SMIM14: variants seen among roughly 807,000 people sequenced by gnomAD.
SMIM14 encodes small integral membrane protein 14, also known as chromosome 4 open reading frame 34.
SMIM14 carries 5 observed loss-of-function variants against 12.6 expected under a neutral mutation model. That is an observed-to-expected ratio of 0.40 (90% confidence interval 0.21 to 0.83). The LOEUF is 0.83. Ranked by LOEUF, SMIM14 falls within the 40% of genes least tolerant of loss-of-function variation. The pLI, the probability that SMIM14 is intolerant of heterozygous loss-of-function variation, is 0.37. For missense variants in SMIM14, 86 were observed against 119.1 expected, an observed-to-expected ratio of 0.72 and a Z score of 1.29; for synonymous variants, 30 against 40.1, an observed-to-expected ratio of 0.75 and a Z score of 0.95.
intron 2 of SMIM14, among the ~76,000 whole-genome samples, chr4:39,581,931 G>A (rs1224713099): frequency 6.6e-6 from 1 of 150,834 alleles, no homozygotes. Context: ...GAGTGCAATG[G>A]CACGATCTCT....
At chr4:39,635,454 G>A in intron 1 of SMIM14, among the ~76,000 whole-genome samples, 1 of 152,150 alleles carries the variant, frequency 6.6e-6, no homozygotes, top group East Asian at 1.9e-4. Context: ...TAAGGGAAAT[G>A]CATAATAAAA....
chr4:39,610,708 A>C (rs923656649), intron 1 of SMIM14, among the ~76,000 whole-genome samples: 1 of 151,986 alleles, frequency 6.6e-6, no homozygotes, highest in Admixed American at 6.6e-5. Context: ...AAAAAAAAAA[A>C]AAAACTGAAA....
chr4:39,603,500 A>C (rs1437664624), intron 2 of SMIM14, among the ~76,000 whole-genome samples: 2 of 152,166 alleles, frequency 1.3e-5, no homozygotes, highest in African/African-American at 4.8e-5. Context: ...CGGAGCTTGC[A>C]ATGAGCCAAG....
chr4:39,627,467 CTT>C (rs1483189352), intron 1 of SMIM14, among the ~76,000 whole-genome samples: 1 of 152,106 alleles, frequency 6.6e-6, no homozygotes, highest in Admixed American at 6.5e-5. Context: ...AGATAAATCA[CTT>C]AGCCTTGTTG....
At chr4:39,620,656 G>C (rs1310220686) in intron 1 of SMIM14, among the ~76,000 whole-genome samples, 1 of 152,120 alleles carries the variant, frequency 6.6e-6, no homozygotes, top group East Asian at 1.9e-4. Flanking sequence ...GAATATAAAA[G>C]TGCTTGTGAG....
chr4:39,635,302 A>G (rs1716049568), intron 1 of SMIM14, among the ~76,000 whole-genome samples: 1 of 152,252 alleles, frequency 6.6e-6, no homozygotes, highest in Non-Finnish European at 1.5e-5. Context: ...ATACAAGGTA[A>G]GATAAGAGAG....
At chr4:39,567,778 G>A (rs1712657332) in intron 3 of SMIM14, among the ~76,000 whole-genome samples, 1 of 151,928 alleles carries the variant, frequency 6.6e-6, no homozygotes, top group Admixed American at 6.6e-5. Context: ...ATGGTTGTAT[G>A]CTCCTGTAGT....
At position 39,558,802 on chromosome 4, in the gene SMIM14, G is replaced by C. The variant is rs760644835; in HGVS notation, c.125-2232C>G. ...CAGCTCACTGCAACCTCCACCTCCC[G>C]GGTTCAAGCAATTCTCCTGTCTCAG... On this transcript the variant is annotated intron_variant, in intron 3 of 4. Coordinates refer to ENST00000295958, the MANE Select transcript of SMIM14 (RefSeq NM_174921.3). The surrounding 1 kb of genome is among the most constrained non-coding windows in gnomAD (Gnocchi z 4.3). Among the ~76,000 whole-genome samples, 11 of 152,098 alleles carry C rather than the reference G, an allele frequency of 7.2e-5. No homozygotes were observed. The highest frequency in any genetic ancestry group is 1.3e-4 in the Admixed American group (2 of 15,270).
At chr4:39,565,944 A>G (rs1333868851) in intron 3 of SMIM14, among the ~76,000 whole-genome samples, 1 of 151,906 alleles carries the variant, frequency 6.6e-6, no homozygotes, top group Non-Finnish European at 1.5e-5. Flanking sequence ...CCACCATGTA[A>G]GACATGCCTT....
chr4:39,562,859 G>A (rs1343814779), intron 3 of SMIM14, among the ~76,000 whole-genome samples: 1 of 144,120 alleles, frequency 6.9e-6, no homozygotes, highest in African/African-American at 2.8e-5. Context: ...GCCAAGGCTT[G>A]TCCCTAACTC....
chr4:39,601,894 CT>C, intron 2 of SMIM14, among the ~76,000 whole-genome samples: 1 of 148,058 alleles, frequency 6.8e-6, no homozygotes, highest in African/African-American at 2.5e-5. Context: ...TTGCAATGAG[CT>C]ATTACCACAC....
At chr4:39,590,518 T>A (rs991913658) in intron 2 of SMIM14, among the ~76,000 whole-genome samples, 1 of 152,032 alleles carries the variant, frequency 6.6e-6, no homozygotes, top group African/African-American at 2.4e-5. Context: ...TCCATAGTTA[T>A]CGGCTGGGCG....
At chr4:39,574,143 T>C (rs1256286181) in intron 2 of SMIM14, among the ~76,000 whole-genome samples, 1 of 152,146 alleles carries the variant, frequency 6.6e-6, no homozygotes, top group African/African-American at 2.4e-5. Flanking sequence ...TTGGAATTGT[T>C]TGGGACGGCA....
At chr4:39,586,500 T>C (rs1713790100) in intron 2 of SMIM14, among the ~76,000 whole-genome samples, 1 of 152,094 alleles carries the variant, frequency 6.6e-6, no homozygotes, top group Non-Finnish European at 1.5e-5. Flanking sequence ...GAATGGCCTT[T>C]ATTTTCTACT....
intron 2 of SMIM14, among the ~76,000 whole-genome samples, chr4:39,597,306 T>C (rs763410421): frequency 6.6e-6 from 1 of 152,014 alleles, no homozygotes; most frequent in African/African-American, 2.4e-5. Context: ...AAATATAATT[T>C]TCAGATGGTA....
rs531813570 is a variant in SMIM14, at chr4:39,570,790, G to A, written c.124+1625C>T. Among the ~76,000 whole-genome samples, 4 of 152,124 alleles carry A rather than the reference G, an allele frequency of 2.6e-5. No individual in the cohort carries two copies. The South Asian group carries it at 6.2e-4, about 24-fold the overall frequency. On this transcript the variant is annotated intron_variant, in intron 3 of 4. Transcript: ENST00000295958. ...TTCTGCCTCAGCCTCCCAAGTAGCC[G>A]GGACTCCAGGAGCATGACACCATGC...
At chr4:39,556,350 G>T in intron 4 of SMIM14, 78 bp downstream of exon 4, 1 of 1,406,858 alleles carries the variant, frequency 7.1e-7, no homozygotes, top group Non-Finnish European at 9.6e-7. Flanking sequence ...AGGTGTTTTA[G>T]TCAAAACCAA....
At position 39,622,463 on chromosome 4, in the gene SMIM14, C is replaced by T. The variant is rs149269382; in HGVS notation, c.-36+16276G>A. ...TTGCCCAGGCTGGAGTGCAGTGGCA[C>T]GGTCTCGGCTCACCGCAACCTCCAC... On this transcript the variant is annotated intron_variant, in intron 1 of 4. Coordinates refer to ENST00000295958, the MANE Select transcript of SMIM14 (RefSeq NM_174921.3). 5.1e-3 allele frequency among the ~76,000 whole-genome samples: 778 copies of T among 152,280 alleles called. 5 individuals carry two copies. The highest frequency in any genetic ancestry group is 0.018 in the African/African-American group (734 of 41,548).
At position 39,621,787 on chromosome 4, in the gene SMIM14, G is replaced by C. The variant is rs565847415; in HGVS notation, c.-35-16607C>G. 6.6e-4 allele frequency among the ~76,000 whole-genome samples: 97 copies of C among 146,580 alleles called. No individual in the cohort carries two copies. The South Asian group carries it at 0.02, about 30-fold the overall frequency. On this transcript the variant is annotated intron_variant, in intron 1 of 4. Transcript: ENST00000295958. The stretch of plus-strand genomic sequence containing the variant: ...GACTCACTGCATCCTTGACCTCCCA[G>C]GCTCAAGTGATCCCATCCCGAGTGG...
Sources: allele counts gnomAD v4.1 joint callset (sites outside exome capture counted in the v4.1 genomes callset), GRCh38; gene constraint gnomAD v4.1.1; non-coding constraint Gnocchi (gnomAD v3.1); transcripts MANE v1.5; gene names NCBI Gene and HGNC (gene_info 2026-07-23, HGNC 2026-07-21).